Variants in MRTFB observed in about 807,000 individuals in gnomAD.
MRTFB encodes myocardin related transcription factor B.
In MRTFB, 29 loss-of-function variants were observed where a neutral mutation model predicts 104.2. The observed-to-expected ratio is 0.28, with a 90% confidence interval of 0.21 to 0.38. The LOEUF is 0.38. Ranked by LOEUF, MRTFB falls within the 10% of genes least tolerant of loss-of-function variation. The pLI is 1.00. For synonymous variants in MRTFB, 535 were observed against 519.5 expected, an observed-to-expected ratio of 1.03 and a Z score of -0.41; for missense variants, 1,270 against 1,341.6, an observed-to-expected ratio of 0.95 and a Z score of 0.83.
chr16:14,112,608 A>G (rs553732001), intron 2 of MRTFB, among the ~76,000 whole-genome samples: 3 of 152,362 alleles, frequency 2.0e-5, no homozygotes, highest in Admixed American at 6.5e-5. Context: ...TGTTCTTCAC[A>G]TAGAAGTCTG....
In MRTFB at chr16:14,243,246, T is replaced by TA. The variant is rs1204648213; in HGVS notation, c.1080-2280dup. Among the ~76,000 whole-genome samples, 4 of 152,222 alleles carry TA rather than the reference T, an allele frequency of 2.6e-5. No individual in the cohort carries two copies. The East Asian group carries it at 7.7e-4, about 29-fold the overall frequency. On this transcript the variant is annotated intron_variant, in intron 10 of 16. Transcript: ENST00000571589. The stretch of plus-strand genomic sequence containing the variant: ...CTTCATCCCAAAGATTTCAATTATT[T>TA]AACTTCAACAAAATTCAGCCAGGTT...
chr16:13,995,375 C>A, the MRTFB span, among the ~76,000 whole-genome samples: 1 of 152,130 alleles, frequency 6.6e-6, no homozygotes. Flanking sequence ...CATCTAACCC[C>A]AGAACTGGTT....
intron 13 of MRTFB, 68 bp downstream of exon 13, chr16:14,249,149 A>G: frequency 1.3e-6 from 2 of 1,550,846 alleles, no homozygotes; most frequent in Non-Finnish European, 1.7e-6. Context: ...CCATTCAACA[A>G]GCATCTTTGT....
the MRTFB span, among the ~76,000 whole-genome samples, chr16:14,064,784 T>C: frequency 1.3e-5 from 2 of 152,202 alleles, no homozygotes; most frequent in Non-Finnish European, 2.9e-5. Flanking sequence ...TGCAACTTTA[T>C]TTCTGGGGGC....
chr16:13,998,540 GGAGGCC>G, the MRTFB span, among the ~76,000 whole-genome samples: 1 of 152,032 alleles, frequency 6.6e-6, no homozygotes, highest in African/African-American at 2.4e-5. Flanking sequence ...CAGCTACTCA[GGAGGCC>G]GAGGCAGAAG....
chr16:14,244,307 G>A (rs2042920949), intron 10 of MRTFB, among the ~76,000 whole-genome samples: 1 of 152,120 alleles, frequency 6.6e-6, no homozygotes, highest in Non-Finnish European at 1.5e-5. Flanking sequence ...TGCGTAGTTG[G>A]GTTGCTTCCA....
At chr16:14,109,416 G>C (rs370204981) in intron 2 of MRTFB, among the ~76,000 whole-genome samples, 75 of 152,300 alleles carry the variant, frequency 4.9e-4, no homozygotes, top group East Asian at 9.6e-4. Flanking sequence ...AAAATGAATA[G>C]TATGAGGATA....
intron 2 of MRTFB, among the ~76,000 whole-genome samples, chr16:14,136,390 T>G (rs72783501): frequency 0.058 from 8,849 of 152,260 alleles, 503 homozygotes; most frequent in East Asian, 0.29. Flanking sequence ...TTCCCACTCA[T>G]TGGGCAAATG....
chr16:14,109,667 A>G (rs2036173296), intron 2 of MRTFB, among the ~76,000 whole-genome samples: 1 of 152,196 alleles, frequency 6.6e-6, no homozygotes, highest in South Asian at 2.1e-4. Flanking sequence ...TATTTAGTAT[A>G]AGTAATTGTC....
At chr16:14,121,854 G>A (rs2036860770) in intron 2 of MRTFB, among the ~76,000 whole-genome samples, 1 of 152,200 alleles carries the variant, frequency 6.6e-6, no homozygotes. Context: ...CCCTTAAAAT[G>A]TGACAGGTGC....
chr16:14,014,121 C>G, the MRTFB span, among the ~76,000 whole-genome samples: 1,076 of 152,312 alleles, frequency 7.1e-3, 9 homozygotes, highest in Middle Eastern at 0.027. Context: ...GCCAAGAACA[C>G]TTAGCAGGCA....
In MRTFB at chr16:14,251,842, G is replaced by C. The variant is rs375691035; in HGVS notation, c.2404-20G>C. On this transcript the variant is annotated intron_variant, in intron 13 of 16. Coordinates refer to ENST00000571589, the MANE Select transcript of MRTFB (RefSeq NM_001308142.2). ...AAAAGCCAAAGAACAAATTAATGGA[G>C]AAACATTTATTCATTACAGGTTTTC... 1.1e-5 allele frequency: 17 copies of C among 1,608,250 alleles called. No homozygotes were observed. In the African/African-American group the frequency reaches 2.1e-4, roughly 20 times the overall value.
At chr16:14,104,113 T>C (rs1324782132) in intron 2 of MRTFB, among the ~76,000 whole-genome samples, 1 of 152,212 alleles carries the variant, frequency 6.6e-6, no homozygotes, top group Admixed American at 6.5e-5. Context: ...TGAAAAAACT[T>C]ATAAAAATTA....
the MRTFB span, among the ~76,000 whole-genome samples, chr16:14,017,579 A>G: frequency 8.1e-6 from 1 of 123,724 alleles, no homozygotes; most frequent in African/African-American, 3.1e-5. Flanking sequence ...CGAAAAGAGA[A>G]CTGACTGACT....
chr16:14,119,430 A>G (rs1053836760), intron 2 of MRTFB, among the ~76,000 whole-genome samples: 1 of 152,222 alleles, frequency 6.6e-6, no homozygotes, highest in African/African-American at 2.4e-5. Context: ...TTTAAAATAC[A>G]TAAGGAGGCA....
chr16:13,995,876 T>A, the MRTFB span, among the ~76,000 whole-genome samples: 1 of 152,088 alleles, frequency 6.6e-6, no homozygotes. Flanking sequence ...CCCTCCATCA[T>A]CAAGGATTAC....
At chr16:14,036,884 C>T in the MRTFB span, among the ~76,000 whole-genome samples, 113 of 152,216 alleles carry the variant, frequency 7.4e-4, no homozygotes, top group South Asian at 2.9e-3. Flanking sequence ...AGCTGAGTAG[C>T]AGCTTTCCCC....
At chr16:14,130,131 T>A (rs1487481573) in intron 2 of MRTFB, among the ~76,000 whole-genome samples, 3 of 152,190 alleles carry the variant, frequency 2.0e-5, no homozygotes, top group Non-Finnish European at 4.4e-5. Context: ...GCATCCAGCC[T>A]AATGAAATGT....
At chr16:14,134,435 G>C (rs570196803) in intron 2 of MRTFB, among the ~76,000 whole-genome samples, 39 of 152,342 alleles carry the variant, frequency 2.6e-4, no homozygotes, top group Non-Finnish European at 4.3e-4. Context: ...CTTCCTCTCT[G>C]AAGTTTAATT....
Sources: gnomAD v4.1 joint callset for allele counts (sites outside exome capture counted in the v4.1 genomes callset) on GRCh38, gnomAD v4.1.1 for gene constraint, MANE v1.5 for transcripts, NCBI Gene and HGNC (gene_info 2026-07-23, HGNC 2026-07-21) for gene names.